The following VPS35 variants were observed in gnomAD, a reference collection of about 807,000 sequenced individuals.
The protein encoded by VPS35 is vacuolar protein sorting-associated protein 35.
A neutral mutation model predicts 98.1 loss-of-function variants in VPS35; 21 were observed. The observed-to-expected ratio is 0.21, with a 90% CI of 0.15 to 0.31. The LOEUF (loss-of-function observed/expected upper bound fraction) is 0.31. Among genes scored for constraint, VPS35 ranks in the 10% least tolerant of loss-of-function variants. The pLI is 1.00. For missense variants in VPS35, 554 were observed against 950.8 expected, an observed-to-expected ratio of 0.58 and a Z score of 5.49; for synonymous variants, 268 against 318.2, an observed-to-expected ratio of 0.84 and a Z score of 1.68.
intron 13 of VPS35, among the ~76,000 whole-genome samples, chr16:46,663,531 A>G (rs539728203): frequency 6.6e-6 from 1 of 151,502 alleles, no homozygotes; most frequent in South Asian, 2.1e-4. Context: ...ACAGGTGCCC[A>G]CCACCACACC....
chr16:46,671,573 G>A, intron 12 of VPS35, 132 bp downstream of exon 12: 1 of 1,329,568 alleles, frequency 7.5e-7, no homozygotes, highest in Non-Finnish European at 1.0e-6. Context: ...CCAGGTTCAA[G>A]TGAATCTTTA....
At chr16:46,686,858 A>G (rs1596727826) in intron 1 of VPS35, among the ~76,000 whole-genome samples, 1 of 152,366 alleles carries the variant, frequency 6.6e-6, no homozygotes, top group East Asian at 1.9e-4. Context: ...GTCCCATTTT[A>G]GCTTGAGACC....
chr16:46,662,200 T>C (rs368691901), intron 15 of VPS35, 43 bp downstream of exon 15: 108 of 1,613,668 alleles, frequency 6.7e-5, no homozygotes, highest in Non-Finnish European at 9.1e-5. Context: ...CTGATCCCTG[T>C]TATGGATCCT....
At chr16:46,683,410 AT>A in intron 2 of VPS35, 97 bp downstream of exon 2, 1 of 1,148,568 alleles carries the variant, frequency 8.7e-7, no homozygotes, top group Non-Finnish European at 1.3e-6. Flanking sequence ...AACGGTGAAG[AT>A]TAGATTTACC....
At chr16:46,677,165 A>T (rs1966164389) in intron 7 of VPS35, 150 bp downstream of exon 7, 2 of 724,234 alleles carry the variant, frequency 2.8e-6, no homozygotes, top group Non-Finnish European at 4.7e-6. Context: ...CAAACTGCTG[A>T]GATTACAGGT....
chr16:46,667,456 T>C (rs1966006707), intron 13 of VPS35, among the ~76,000 whole-genome samples: 1 of 152,248 alleles, frequency 6.6e-6, no homozygotes, highest in Admixed American at 6.5e-5. Flanking sequence ...AGAAGGTTTT[T>C]AGTTTATTAA....
chr16:46,682,495 G>C (rs934267389), intron 2 of VPS35: 1 of 304,096 alleles, frequency 3.3e-6, no homozygotes, highest in South Asian at 3.4e-5. Context: ...CAAGAGAACT[G>C]GCATACTGAT....
chr16:46,679,163 AG>A lies in VPS35; in HGVS notation c.507-8del, dbSNP rs750978000. On this transcript the variant is annotated splice_polypyrimidine_tract_variant and splice_region_variant and intron_variant, in intron 5 of 16. Coordinates refer to ENST00000299138, the MANE Select transcript of VPS35 (RefSeq NM_018206.6). Reference sequence around the variant, plus strand: ...GTCACCAGTTGTTTCTTCACTGCAAAGAAACAGAAAAGTCTTTACACAGTAT... The same window carrying A: ...GTCACCAGTTGTTTCTTCACTGCAAAAAACAGAAAAGTCTTTACACAGTAT... 1 of 1,595,738 alleles carries A rather than the reference AG, an allele frequency of 6.3e-7. No individual in the cohort carries two copies. Among genetic ancestry groups the A allele is most frequent in the South Asian group, 1.1e-5 (1 of 89,546 alleles).
intron 12 of VPS35, 190 bp from the exon 13 acceptor site, chr16:46,669,242 C>A: frequency 1.4e-6 from 1 of 704,652 alleles, no homozygotes; most frequent in Non-Finnish European, 2.4e-6. Context: ...GATACTATTC[C>A]ATTTCACAAA....
rs1216574534 is a variant in VPS35, at chr16:46,659,416, A to G, written c.*1056T>C. The G allele has an allele frequency of 6.6e-6, 1 of 152,222 alleles. No individual in the cohort carries two copies. Among genetic ancestry groups the G allele is most frequent in the Non-Finnish European group, 1.5e-5 (1 of 68,048 alleles). The allele number at this position is 152,222 out of a possible 1,614,324, so 9.4% of individuals were successfully genotyped here. On this transcript the variant is annotated 3_prime_UTR_variant, in exon 17 of 17. Coordinates refer to ENST00000299138, the MANE Select transcript of VPS35 (RefSeq NM_018206.6). ...TAAGTTTTGGGATGGTTTATTATAT[A>G]GTAGGTAACTAGTATCGGTGGTGAG...
At chr16:46,683,409 G>A in intron 2 of VPS35, 99 bp downstream of exon 2, 1 of 1,130,252 alleles carries the variant, frequency 8.8e-7, no homozygotes, top group Admixed American at 1.9e-5. Flanking sequence ...AAACGGTGAA[G>A]ATTAGATTTA....
chr16:46,671,598 C>T, intron 12 of VPS35, 107 bp downstream of exon 12: 1 of 1,487,128 alleles, frequency 6.7e-7, no homozygotes, highest in Non-Finnish European at 9.2e-7. Flanking sequence ...AGTTGCAATT[C>T]CTTCAAAACC....
Position 46,661,716 on chromosome 16 carries a change from A to G in VPS35, c.2211+2T>C. The G allele has an allele frequency of 6.2e-7, 1 of 1,604,148 alleles. No homozygotes were observed. The highest frequency in any genetic ancestry group is 8.5e-7 in the Non-Finnish European group (1 of 1,171,010). ...TTAACAACACTTTACTAATTCACTTACCGCATCATTTTCCTTTTCATAAAA... is the reference window on the plus strand; with the variant it reads ...TTAACAACACTTTACTAATTCACTTGCCGCATCATTTTCCTTTTCATAAAA... On this transcript the variant is annotated splice_donor_variant, in intron 16 of 16. Transcript: ENST00000299138. LOFTEE classifies it high-confidence loss of function. This position sits in a 1 kb window ranked among gnomAD's most constrained non-coding sequence, Gnocchi z 4.3.
rs569369937 is a variant in VPS35, at chr16:46,674,662, TAAAA to T, written c.915-6_915-3del. 1.4e-5 allele frequency: 20 copies of T among 1,388,776 alleles called. No homozygotes were observed. Among genetic ancestry groups the T allele is most frequent in the Non-Finnish European group, 1.9e-5 (19 of 1,013,536 alleles). The allele number at this position is 1,388,776 out of a possible 1,614,324, so 86.0% of individuals were successfully genotyped here. ...TCACGGTGAGCAAATAAAGCTAATCTAAAAAAAAAAAAAACACCCCTTTATTTTA... is the reference window on the plus strand; with the variant it reads ...TCACGGTGAGCAAATAAAGCTAATCTAAAAAAAAAACACCCCTTTATTTTA... On this transcript the variant is annotated splice_polypyrimidine_tract_variant and splice_region_variant and intron_variant, in intron 8 of 16. Transcript: ENST00000299138.
chr16:46,661,413 AG>A lies in VPS35; in HGVS notation c.2211+304del, dbSNP rs1179252978. ...CCTAGCTAATTTTTGTATTTTTAGT[AG>A]AGATGGGGTTTCACAATGTTGGCCA... On this transcript the variant is annotated intron_variant, in intron 16 of 16. Coordinates refer to ENST00000299138, the MANE Select transcript of VPS35 (RefSeq NM_018206.6). This position sits in a 1 kb window ranked among gnomAD's most constrained non-coding sequence, Gnocchi z 4.3. 1 of 301,386 alleles carries A rather than the reference AG, an allele frequency of 3.3e-6. No homozygotes were observed. The highest frequency in any genetic ancestry group is 2.2e-5 in the African/African-American group (1 of 45,128). 18.7% of individuals were successfully genotyped at this position (301,386 alleles called of 1,614,324 possible).
At chr16:46,664,348 G>A (rs1249122753) in intron 13 of VPS35, among the ~76,000 whole-genome samples, 2 of 151,766 alleles carry the variant, frequency 1.3e-5, no homozygotes, top group Non-Finnish European at 2.9e-5. Context: ...GTAGAGAAGG[G>A]GTTTCACCTT....
chr16:46,660,560 T>C lies in VPS35; in HGVS notation c.2303A>G (p.Lys768Arg), dbSNP rs1965897069. 1 of 1,614,148 alleles carries C rather than the reference T, an allele frequency of 6.2e-7. No homozygotes were observed. Among genetic ancestry groups the C allele is most frequent in the African/African-American group, 1.3e-5 (1 of 75,036 alleles). ...ATGCTCCAGTGTGTTATGAAAATGT[T>C]TGTTAATCTGCTCTGTTTCTTCACT... ...ESSEETEQIN[K>R]HFHNTLEHLR... Residue 768 changes from lysine to arginine, a missense_variant, in exon 17 of 17, where the codon AAA (lysine) becomes AGA (arginine). By Grantham distance (26) the Lys-to-Arg change is conservative (BLOSUM62 2). Transcript: ENST00000299138.
intron 12 of VPS35, among the ~76,000 whole-genome samples, chr16:46,671,421 G>A (rs1966066807): frequency 6.6e-6 from 1 of 151,904 alleles, no homozygotes; most frequent in East Asian, 1.9e-4. Context: ...TGCTCCAGAA[G>A]TTTACAAACA....
intron 13 of VPS35, among the ~76,000 whole-genome samples, chr16:46,663,928 C>G (rs2143006104): frequency 8.3e-6 from 1 of 120,694 alleles, no homozygotes; most frequent in South Asian, 2.7e-4. Flanking sequence ...CCAGGCTGAT[C>G]TTGAACTACT....
Sources: gnomAD v4.1 joint callset for allele counts (sites outside exome capture counted in the v4.1 genomes callset) on GRCh38, gnomAD v4.1.1 for gene constraint, Gnocchi (gnomAD v3.1) non-coding constraint, MANE v1.5 for transcripts, NCBI Gene and HGNC (gene_info 2026-07-23, HGNC 2026-07-21) for gene names.